Variants in ANKS6 observed in about 807,000 individuals in gnomAD.
ANKS6 encodes the protein ankyrin repeat and SAM domain-containing protein 6.
Under a neutral mutation model 77.9 loss-of-function variants are expected in ANKS6, and 47 were observed. That is an observed-to-expected ratio of 0.60 (90% CI 0.48 to 0.77). ANKS6 has a LOEUF of 0.77. ANKS6 is among the 30% of genes least tolerant of loss of function. The probability of loss-of-function intolerance (pLI) is 0.00; values close to 1 mark genes in which losing one functional copy is unlikely to be tolerated. For synonymous variants in ANKS6, 488 were observed against 501.7 expected (o/e 0.97, Z 0.37); for missense variants, 1,150 against 1,159.1 (o/e 0.99, Z 0.11).
rs878924923 is a variant in ANKS6 at position 98,734,507 on chromosome 9, T to G, written c.*2012A>C. ...GAGGCAAACAATTCTAGGCCTACTG[T>G]TAACCCCTGAAGCCATCAGTAAATT... On this transcript the variant is annotated 3_prime_UTR_variant, in exon 15 of 15. Transcript: ENST00000353234. 25 of 985,288 alleles carry G rather than the reference T, an allele frequency of 2.5e-5. No individual in the cohort carries two copies. The highest frequency in any genetic ancestry group is 2.9e-5 in the Non-Finnish European group (24 of 829,926). The allele number at this position is 985,288 out of a possible 1,614,324, so 61.0% of individuals were successfully genotyped here. A position where few individuals can be genotyped will look rare whatever the true frequency, so the allele number is the denominator to read the frequency against.
In ANKS6 at chr9:98,782,360, C is replaced by T. The variant is rs942404751; in HGVS notation, c.1219+107G>A. 3.3e-5 allele frequency: 33 copies of T among 1,007,630 alleles called. No individual in the cohort carries two copies. In the East Asian group the frequency reaches 4.4e-4, roughly 14 times the overall value. The allele number at this position is 1,007,630 out of a possible 1,614,324, so 62.4% of individuals were successfully genotyped here. Reference sequence around the variant, plus strand: ...GACACTTGAGAGTGACTTTCCCCCACGAATAAGCAAGTGCTTAAAACACAA... The same window carrying T: ...GACACTTGAGAGTGACTTTCCCCCATGAATAAGCAAGTGCTTAAAACACAA... On this transcript the variant is annotated intron_variant, in intron 5 of 14. Coordinates refer to ENST00000353234, the MANE Select transcript of ANKS6 (RefSeq NM_173551.5).
chr9:98,756,380 G>T (rs748145862), intron 12 of ANKS6, 40 bp downstream of exon 12: 6 of 1,593,772 alleles, frequency 3.8e-6, no homozygotes, highest in Non-Finnish European at 4.3e-6. Context: ...TCATCATGGT[G>T]AGAGGAATAG....
rs1225921606 is a variant in ANKS6, at chr9:98,734,281, G to A, written c.*2238C>T. ...CTGTCTGCAAAATGGGAATAGCCCC[G>A]CTCTGTCCAGGGTCATCCAATGAGT... On this transcript the variant is annotated 3_prime_UTR_variant, in exon 15 of 15. Coordinates refer to ENST00000353234, the MANE Select transcript of ANKS6 (RefSeq NM_173551.5). 1.1e-5 allele frequency: 11 copies of A among 985,492 alleles called. No individual in the cohort carries two copies. Among genetic ancestry groups the A allele is most frequent in the East Asian group, 2.3e-4 (2 of 8,808 alleles). The allele number at this position is 985,492 out of a possible 1,614,324, so 61.0% of individuals were successfully genotyped here.
intron 1 of ANKS6, among the ~76,000 whole-genome samples, chr9:98,792,542 A>G (rs988220829): frequency 3.0e-4 from 46 of 152,258 alleles, no homozygotes; most frequent in African/African-American, 1.0e-3. Flanking sequence ...TCCAGAGGTG[A>G]GCAGTGGAAA....
chr9:98,768,877 C>T (rs1438554589), intron 10 of ANKS6, among the ~76,000 whole-genome samples: 1 of 152,154 alleles, frequency 6.6e-6, no homozygotes, highest in Admixed American at 6.5e-5. Flanking sequence ...CGCCTGTAAT[C>T]CCAGCACTTT....
intron 2 of ANKS6, among the ~76,000 whole-genome samples, chr9:98,786,989 G>T (rs1241364301): frequency 6.6e-6 from 1 of 152,162 alleles, no homozygotes; most frequent in African/African-American, 2.4e-5. Flanking sequence ...CCAAGGAAAA[G>T]AAATCAGCTC....
chr9:98,785,827 G>A (rs1203895747), intron 2 of ANKS6, among the ~76,000 whole-genome samples: 1 of 152,160 alleles, frequency 6.6e-6, no homozygotes, highest in Admixed American at 6.5e-5. Context: ...GTCAGTGCAC[G>A]TGAATTTCAG....
intron 12 of ANKS6, among the ~76,000 whole-genome samples, chr9:98,752,075 C>CA (rs1832456875): frequency 6.9e-6 from 1 of 145,978 alleles, no homozygotes; most frequent in Non-Finnish European, 1.5e-5. Flanking sequence ...GCCTGGGCTA[C>CA]AAAGCAAGAC....
intron 13 of ANKS6, 139 bp downstream of exon 13, chr9:98,750,890 C>T (rs1244751207): frequency 2.3e-5 from 16 of 681,092 alleles, no homozygotes; most frequent in African/African-American, 3.7e-5. Flanking sequence ...GAACTAATCC[C>T]GCTAAGCACG....
At position 98,732,785 on chromosome 9, in the gene ANKS6, G is replaced by A. The variant is rs1831270935; in HGVS notation, c.*3734C>T. 1.5e-6 allele frequency: 2 copies of A among 1,374,276 alleles called. No homozygotes were observed. Among genetic ancestry groups the A allele is most frequent in the Non-Finnish European group, 1.9e-6 (2 of 1,065,690 alleles). The allele number at this position is 1,374,276 out of a possible 1,614,324, so 85.1% of individuals were successfully genotyped here. ...TCACGCAGCACTAGGTCTATGTCCAGTGCTCTTTCCAGGGTAACAGGTTGC... is the reference window on the plus strand; with the variant it reads ...TCACGCAGCACTAGGTCTATGTCCAATGCTCTTTCCAGGGTAACAGGTTGC... On this transcript the variant is annotated 3_prime_UTR_variant, in exon 15 of 15. Coordinates refer to ENST00000353234, the MANE Select transcript of ANKS6 (RefSeq NM_173551.5).
At position 98,736,545 on chromosome 9, in the gene ANKS6, C is replaced by A; in HGVS notation, c.2590G>T (p.Ala864Ser). Residue 864 changes from alanine to serine, a missense_variant, in exon 15 of 15, where the codon GCC (alanine) becomes TCC (serine). Transcript: ENST00000353234. ...CACGCACAGGGGCTGTTGCCAGGGG[C>A]CCTGGTGTTGCTGGCACTGCTCTCA... Reference protein sequence around the residue: ...SFESSASNTRAPGNSPCA With the variant: ...SFESSASNTRSPGNSPCA 1 of 1,612,840 alleles carries A rather than the reference C, an allele frequency of 6.2e-7. No homozygotes were observed. The highest frequency in any genetic ancestry group is 8.5e-7 in the Non-Finnish European group (1 of 1,179,258).
In ANKS6 at chr9:98,796,479, C is replaced by T. The variant is rs1187857162; in HGVS notation, c.13G>A (p.Gly5Arg). 4 of 990,186 alleles carry T rather than the reference C, an allele frequency of 4.0e-6. No individual in the cohort carries two copies. The highest frequency in any genetic ancestry group is 3.5e-5 in the African/African-American group (2 of 56,844). The allele number at this position is 990,186 out of a possible 1,614,324, so 61.3% of individuals were successfully genotyped here. ...AGCAGCTGGAAGGCCGGGGGCAGCC[C>T]GCCCTCGCCCATCGCCGCCGCCACG... MGEG[G>R]LPPAFQLLLR... Residue 5 changes from glycine to arginine, a missense_variant, in exon 1 of 15, where the codon GGG becomes AGG. Transcript: ENST00000353234.
intron 14 of ANKS6, among the ~76,000 whole-genome samples, chr9:98,740,972 A>G (rs891557248): frequency 1.6e-4 from 25 of 152,238 alleles, no homozygotes; most frequent in Admixed American, 3.3e-4. Context: ...ACTCACAGCT[A>G]GTGGAACTGT....
chr9:98,788,850 T>C (rs1248851790), intron 2 of ANKS6, among the ~76,000 whole-genome samples: 1 of 152,190 alleles, frequency 6.6e-6, no homozygotes, highest in Non-Finnish European at 1.5e-5. Context: ...TGACCAGCTT[T>C]CTTCCCTCTC....
At chr9:98,744,715 A>C (rs1022193700) in intron 14 of ANKS6, among the ~76,000 whole-genome samples, 1 of 152,150 alleles carries the variant, frequency 6.6e-6, no homozygotes, top group Non-Finnish European at 1.5e-5. Flanking sequence ...CAAAAAAAGA[A>C]AAAAAAGAGG....
At chr9:98,741,010 A>C (rs1458153471) in intron 14 of ANKS6, among the ~76,000 whole-genome samples, 1 of 152,192 alleles carries the variant, frequency 6.6e-6, no homozygotes, top group Non-Finnish European at 1.5e-5. Flanking sequence ...AAAGTTATTC[A>C]GATGTACATA....
Position 98,796,318 on chromosome 9 carries a change from C to T in ANKS6, c.174G>A (p.Gly58=). 8.1e-7 allele frequency: 1 copy of T among 1,227,420 alleles called. No homozygotes were observed. The highest frequency in any genetic ancestry group is 1.0e-6 in the Non-Finnish European group (1 of 985,768). The allele number at this position is 1,227,420 out of a possible 1,614,324, so 76.0% of individuals were successfully genotyped here. A position where few individuals can be genotyped will look rare whatever the true frequency, so the allele number is the denominator to read the frequency against. The part of the protein sequence containing the change: ...EPAGAEVAGP[G]AAAAGAVGAP... ...CCCCGACTGCCCCCGCCGCTGCGGC[C>T]CCGGGCCCGGCCACCTCGGCCCCCG... The change falls in exon 1 of 15, where the codon GGG becomes GGA. Residue 58 remains glycine (G), a synonymous_variant. Transcript: ENST00000353234.
chr9:98,763,935 AC>A (rs1303025176), intron 11 of ANKS6, among the ~76,000 whole-genome samples: 1 of 152,152 alleles, frequency 6.6e-6, no homozygotes, highest in African/African-American at 2.4e-5. Context: ...GAAATAGAAC[AC>A]CTGAATAGTC....
chr9:98,786,496 T>C (rs2118146437), intron 2 of ANKS6, among the ~76,000 whole-genome samples: 1 of 152,078 alleles, frequency 6.6e-6, no homozygotes, highest in African/African-American at 2.4e-5. Context: ...TTCACCATCT[T>C]GGCCAGGTTG....
Sources: gnomAD v4.1 joint callset for allele counts (sites outside exome capture counted in the v4.1 genomes callset) on GRCh38, gnomAD v4.1.1 for gene constraint, MANE v1.5 for transcripts, NCBI Gene and HGNC (gene_info 2026-07-23, HGNC 2026-07-21) for gene names.